Variants in SULF1 observed in about 807,000 individuals in gnomAD.
SULF1 encodes the protein extracellular sulfatase Sulf-1.
SULF1 carries 46 observed loss-of-function variants against 110.5 expected under a neutral mutation model. The observed-to-expected ratio is 0.42, with a 90% CI of 0.33 to 0.53. The LOEUF is 0.53. Ranked by LOEUF, SULF1 falls within the 20% of genes least tolerant of loss-of-function variation. The probability of loss-of-function intolerance (pLI) is 0.12; values close to 1 mark genes in which losing one functional copy is unlikely to be tolerated. For synonymous variants in SULF1, 371 were observed against 387.1 expected (o/e 0.96, Z 0.49); for missense variants, 941 against 1,094.2 (o/e 0.86, Z 1.98).
chr8:69,632,351 A>G (rs1179168396), intron 19 of SULF1, among the ~76,000 whole-genome samples: 2 of 152,214 alleles, frequency 1.3e-5, no homozygotes, highest in Non-Finnish European at 2.9e-5. Flanking sequence ...GATCCTGTAC[A>G]CATATGTGCA....
At chr8:69,621,882 A>C (rs1171021492) in intron 14 of SULF1, among the ~76,000 whole-genome samples, 1 of 152,254 alleles carries the variant, frequency 6.6e-6, no homozygotes, top group Non-Finnish European at 1.5e-5. Context: ...CCCTCCACGA[A>C]AGAATGAATC....
intron 3 of SULF1, among the ~76,000 whole-genome samples, chr8:69,531,273 C>T (rs1813063598): frequency 6.6e-6 from 1 of 152,174 alleles, no homozygotes; most frequent in Non-Finnish European, 1.5e-5. Flanking sequence ...TTTATGTTTG[C>T]ATATATGTGT....
At chr8:69,607,757 C>T (rs1808335049) in intron 13 of SULF1, among the ~76,000 whole-genome samples, 1 of 152,074 alleles carries the variant, frequency 6.6e-6, no homozygotes, top group South Asian at 2.1e-4. Flanking sequence ...CGACAGTATC[C>T]CTGACTTTAA....
chr8:69,650,579 C>A (rs1211004416), intron 22 of SULF1, among the ~76,000 whole-genome samples: 1 of 152,188 alleles, frequency 6.6e-6, no homozygotes, highest in African/African-American at 2.4e-5. Flanking sequence ...CACTACATTC[C>A]AACCTGGATG....
intron 3 of SULF1, among the ~76,000 whole-genome samples, chr8:69,513,923 T>C (rs1244174950): frequency 6.6e-6 from 1 of 152,238 alleles, no homozygotes; most frequent in Admixed American, 6.5e-5. Context: ...TGTTGTTGTC[T>C]AAAAAGATAA....
At chr8:69,543,069 TAGAG>T (rs1271792530) in intron 3 of SULF1, among the ~76,000 whole-genome samples, 2 of 152,316 alleles carry the variant, frequency 1.3e-5, no homozygotes, top group East Asian at 3.9e-4. Flanking sequence ...TTCTGTGAGA[TAGAG>T]ATTTAGCAAC....
chr8:69,573,325 G>A (rs1051922175), intron 5 of SULF1, among the ~76,000 whole-genome samples: 2 of 152,206 alleles, frequency 1.3e-5, no homozygotes, highest in African/African-American at 4.8e-5. Flanking sequence ...GAGAATCCTA[G>A]CTGGGGCACT....
chr8:69,591,015 A>G (rs1289020307), intron 8 of SULF1, among the ~76,000 whole-genome samples: 1 of 152,166 alleles, frequency 6.6e-6, no homozygotes, highest in South Asian at 2.1e-4. Flanking sequence ...GTCTAAGGTG[A>G]CTTCCTATAA....
chr8:69,503,828 T>G (rs1249224877), intron 3 of SULF1, among the ~76,000 whole-genome samples: 1 of 151,362 alleles, frequency 6.6e-6, no homozygotes, highest in Non-Finnish European at 1.5e-5. Context: ...ACGAACAGAG[T>G]CTTCCTTTGT....
chr8:69,594,724 T>C (rs1273176507), intron 8 of SULF1, among the ~76,000 whole-genome samples: 1 of 151,744 alleles, frequency 6.6e-6, no homozygotes, highest in Non-Finnish European at 1.5e-5. Context: ...AAAAAAAAAA[T>C]CTGATTTGGG....
intron 5 of SULF1, among the ~76,000 whole-genome samples, chr8:69,568,386 A>G (rs1804954385): frequency 6.6e-6 from 1 of 152,250 alleles, no homozygotes; most frequent in Admixed American, 6.5e-5. Context: ...CATTATGAGC[A>G]GGAGCCCTTC....
intron 6 of SULF1, among the ~76,000 whole-genome samples, chr8:69,582,289 G>A (rs747295116): frequency 9.9e-5 from 15 of 152,150 alleles, no homozygotes; most frequent in Non-Finnish European, 1.6e-4. Context: ...TGTAACCTCC[G>A]AAGAGATATT....
intron 8 of SULF1, among the ~76,000 whole-genome samples, chr8:69,599,179 T>G (rs374647657): frequency 6.6e-6 from 1 of 152,310 alleles, no homozygotes; most frequent in African/African-American, 2.4e-5. Flanking sequence ...TCACAGTGAC[T>G]GATTCTTTCC....
At chr8:69,592,380 G>A (rs1376446269) in intron 8 of SULF1, among the ~76,000 whole-genome samples, 2 of 152,170 alleles carry the variant, frequency 1.3e-5, no homozygotes, top group Admixed American at 6.5e-5. Flanking sequence ...AAAATAGGAG[G>A]TGGCTCAGAC....
chr8:69,604,093 T>C (rs946488568), intron 12 of SULF1, among the ~76,000 whole-genome samples: 1 of 152,160 alleles, frequency 6.6e-6, no homozygotes, highest in African/African-American at 2.4e-5. Flanking sequence ...ACCCCCAAAA[T>C]ATGTATAATT....
At chr8:69,520,209 A>G (rs939562782) in intron 3 of SULF1, among the ~76,000 whole-genome samples, 1 of 151,840 alleles carries the variant, frequency 6.6e-6, no homozygotes, top group Non-Finnish European at 1.5e-5. Context: ...TATTGTTATT[A>G]TCAATCACAC....
chr8:69,496,641 A>C (rs1810379409), intron 2 of SULF1, among the ~76,000 whole-genome samples: 1 of 152,246 alleles, frequency 6.6e-6, no homozygotes, highest in Non-Finnish European at 1.5e-5. Context: ...AGTATGAAGA[A>C]TATACTGAGC....
At chr8:69,489,157 C>G (rs764458543), upstream of SULF1, among the ~76,000 whole-genome samples, 9 of 152,152 alleles carry the variant, frequency 5.9e-5, no homozygotes, top group Non-Finnish European at 1.0e-4. Context: ...ACAAGCCGAT[C>G]CATACAAACT....
At chr8:69,608,132 G>A (rs746727405) in intron 13 of SULF1, among the ~76,000 whole-genome samples, 4 of 152,190 alleles carry the variant, frequency 2.6e-5, no homozygotes. Flanking sequence ...TCCAAAGGTT[G>A]GGGTTAGAAT....
Sources: allele counts gnomAD v4.1 joint callset (sites outside exome capture counted in the v4.1 genomes callset), GRCh38; gene constraint gnomAD v4.1.1; transcripts MANE v1.5; gene names NCBI Gene and HGNC (gene_info 2026-07-23, HGNC 2026-07-21).